The following NF1 variants were observed in gnomAD, a reference collection of about 807,000 sequenced individuals.
The protein encoded by NF1 is neurofibromin 1.
Under a neutral mutation model 325.7 loss-of-function variants are expected in NF1, and 122 were observed. That is an observed-to-expected ratio of 0.37 (90% CI 0.32 to 0.44). NF1 has a LOEUF of 0.44. Among genes scored for constraint, NF1 ranks in the 20% least tolerant of loss-of-function variants. The pLI, the probability that NF1 is intolerant of heterozygous loss-of-function variation, is 1.00. For missense variants in NF1, 2,140 were observed against 3,415.4 expected, an observed-to-expected ratio of 0.63 and a Z score of 9.31; for synonymous variants, 1,091 against 1,186.0, an observed-to-expected ratio of 0.92 and a Z score of 1.65.
In NF1 at chr17:31,095,187, G is replaced by T; in HGVS notation, c.-123G>T. 1.2e-6 allele frequency: 1 copy of T among 832,872 alleles called. No homozygotes were observed. Among genetic ancestry groups the T allele is most frequent in the Non-Finnish European group, 2.0e-6 (1 of 508,070 alleles). 51.6% of individuals were successfully genotyped at this position (832,872 alleles called of 1,614,324 possible). A position where few individuals can be genotyped will look rare whatever the true frequency, so the allele number is the denominator to read the frequency against. On this transcript the variant is annotated 5_prime_UTR_variant, in exon 1 of 58. Coordinates refer to ENST00000358273, the MANE Select transcript of NF1 (RefSeq NM_001042492.3). ...CCCCACCCCCGTGGGAACACTGGGA[G>T]CCTGCACTCCACAGACCCTCTCCTT...
chr17:31,166,768 C>T (rs2065853685), intron 4 of NF1, among the ~76,000 whole-genome samples: 1 of 151,804 alleles, frequency 6.6e-6, no homozygotes, highest in African/African-American at 2.4e-5. Flanking sequence ...AAGTTAGAAT[C>T]CTGAATTATT....
At chr17:31,151,867 T>C (rs1404140011) in intron 1 of NF1, among the ~76,000 whole-genome samples, 1 of 152,200 alleles carries the variant, frequency 6.6e-6, no homozygotes, top group African/African-American at 2.4e-5. Flanking sequence ...AGATATAAAA[T>C]CCTTGGTTTA....
At chr17:31,168,726 A>G (rs2065885138) in intron 4 of NF1, among the ~76,000 whole-genome samples, 1 of 152,100 alleles carries the variant, frequency 6.6e-6, no homozygotes. Context: ...TTGACTTTTA[A>G]TGTTATGATC....
chr17:31,144,580 C>T (rs1341168514), intron 1 of NF1, among the ~76,000 whole-genome samples: 1 of 152,156 alleles, frequency 6.6e-6, no homozygotes, highest in Non-Finnish European at 1.5e-5. Context: ...ATGGCTTCTT[C>T]AGTCACATGT....
chr17:31,291,175 T>G lies in NF1; in HGVS notation c.4835+25836T>G, dbSNP rs76009776. Among the ~76,000 whole-genome samples the G allele has an allele frequency of 9.1e-3, 1,386 of 152,304 alleles. 22 individuals carry two copies. The highest frequency in any genetic ancestry group is 0.031 in the African/African-American group (1,268 of 41,564). ...ATCTGTAAACTATACTGGAAATAAT[T>G]GCAACGTAATAGTATCCCACCAAAG... On this transcript the variant is annotated intron_variant, in intron 36 of 57. Coordinates refer to ENST00000358273, the MANE Select transcript of NF1 (RefSeq NM_001042492.3).
intron 16 of NF1, 71 bp from the exon 17 acceptor site, chr17:31,225,024 A>C: frequency 6.4e-7 from 1 of 1,553,046 alleles, no homozygotes; most frequent in Non-Finnish European, 8.8e-7. Context: ...ACAGGAAGAC[A>C]ACTCAAATAA....
chr17:31,143,078 CT>C (rs891942018), intron 1 of NF1, among the ~76,000 whole-genome samples: 4 of 151,888 alleles, frequency 2.6e-5, no homozygotes, highest in African/African-American at 9.7e-5. Context: ...TTAGCAGTGT[CT>C]TTTTGTTATA....
At chr17:31,271,325 G>C (rs2067890413) in intron 36 of NF1, among the ~76,000 whole-genome samples, 1 of 152,040 alleles carries the variant, frequency 6.6e-6, no homozygotes, top group Non-Finnish European at 1.5e-5. Flanking sequence ...AAGGTTAGCA[G>C]AATTGGCACC....
At chr17:31,155,877 T>G in intron 1 of NF1, 106 bp from the exon 2 acceptor site, 1 of 1,287,128 alleles carries the variant, frequency 7.8e-7, no homozygotes. Flanking sequence ...TATCTGTGGT[T>G]GATGCAGTTT....
chr17:31,330,579 A>C, intron 39 of NF1, 81 bp downstream of exon 39: 1 of 1,093,972 alleles, frequency 9.1e-7, no homozygotes, highest in South Asian at 1.4e-5. Flanking sequence ...AGAATTTTCC[A>C]GTGAAGACTT....
At position 31,335,272 on chromosome 17, in the gene NF1, A is replaced by AT. The variant is rs1229342249; in HGVS notation, c.6006+241_6006+242insT. 5.7e-4 allele frequency among the ~76,000 whole-genome samples: 25 copies of AT among 43,978 alleles called. 1 individual carries two copies. Among genetic ancestry groups the AT allele is most frequent in the African/African-American group, 9.9e-4 (24 of 24,204 alleles). 28.9% of individuals were successfully genotyped at this position (43,978 alleles called of 152,430 possible). ...ATTTGCACAGTCTCCTTCAAGGCAT[A>AT]ATTATATATATATATATATATATAA... On this transcript the variant is annotated intron_variant, in intron 40 of 57. Coordinates refer to ENST00000358273, the MANE Select transcript of NF1 (RefSeq NM_001042492.3).
At chr17:31,219,496 T>C (rs2066885041) in intron 14 of NF1, 1 of 153,760 alleles carries the variant, frequency 6.5e-6, no homozygotes, top group Non-Finnish European at 1.4e-5. Context: ...TTTATTATTA[T>C]TGTACTTTTA....
chr17:31,296,248 G>T (rs1429868370), intron 36 of NF1: 1 of 1,613,992 alleles, frequency 6.2e-7, no homozygotes, highest in Non-Finnish European at 8.5e-7. Flanking sequence ...ATATACATTG[G>T]AGAGGACAAA....
rs1555594457 is a variant in NF1 at position 31,095,288 on chromosome 17, G to GC, written c.-16dup. ...GCGCCGGCCCACCCTTCCCTCCGCC[G>GC]CCCCCCGGCCGCGGGGAGGACATGG... On this transcript the variant is annotated 5_prime_UTR_variant, in exon 1 of 58. Transcript: ENST00000358273. 6 of 1,534,956 alleles carry GC rather than the reference G, an allele frequency of 3.9e-6. No individual in the cohort carries two copies. Among genetic ancestry groups the GC allele is most frequent in the Non-Finnish European group, 2.6e-6 (3 of 1,145,764 alleles).
intron 29 of NF1, among the ~76,000 whole-genome samples, chr17:31,245,942 G>A (rs2067382623): frequency 6.6e-6 from 1 of 152,048 alleles, no homozygotes; most frequent in Admixed American, 6.6e-5. Flanking sequence ...GCCCCGTCTT[G>A]AAGCTCCCTA....
At position 31,308,635 on chromosome 17, in the gene NF1, C is replaced by CT. The variant is rs67526348; in HGVS notation, c.4836-17175dup. ...GTTTTTTACCCTTCTCAAGGGTGTTCTTTTTTTTTTATTTTTCTTCCAGAC... is the reference window on the plus strand; with the variant it reads ...GTTTTTTACCCTTCTCAAGGGTGTTCTTTTTTTTTTTATTTTTCTTCCAGAC... On this transcript the variant is annotated intron_variant, in intron 36 of 57. Transcript: ENST00000358273. Among the ~76,000 whole-genome samples the CT allele has an allele frequency of 1.5e-4, 22 of 150,562 alleles. 1 individual carries two copies. The highest frequency in any genetic ancestry group is 4.2e-4 in the South Asian group (2 of 4,784).
rs752621693 is a variant in NF1 at position 31,249,056 on chromosome 17, C to T, written c.4047C>T (p.Ala1349=). Residue 1349 remains alanine, a synonymous_variant, in exon 30 of 58, where the codon GCC becomes GCT. Coordinates refer to ENST00000358273, the MANE Select transcript of NF1 (RefSeq NM_001042492.3). Reference sequence around the variant, plus strand: ...AGATGACTGAAAAGTTCTTCCATGCCATCATCAGTTCCTCCTCAGAATTCC... The same window carrying T: ...AGATGACTGAAAAGTTCTTCCATGCTATCATCAGTTCCTCCTCAGAATTCC... The part of the protein sequence containing the change: ...LLQMTEKFFH[A]IISSSSEFPP... 2.8e-5 allele frequency: 45 copies of T among 1,613,952 alleles called. 2 individuals are homozygous for T. The South Asian group carries it at 4.7e-4, about 17-fold the overall frequency.
In NF1 at chr17:31,340,855, A is replaced by AAC. The variant is rs1052811136; in HGVS notation, c.7062+211_7062+212insCA. 8.6e-5 allele frequency among the ~76,000 whole-genome samples: 13 copies of AAC among 151,422 alleles called. 1 individual carries two copies. Among genetic ancestry groups the AAC allele is most frequent in the African/African-American group, 2.7e-4 (11 of 41,290 alleles). On this transcript the variant is annotated intron_variant, in intron 47 of 57. Coordinates refer to ENST00000358273, the MANE Select transcript of NF1 (RefSeq NM_001042492.3). ...TTTTTACATAAAAATAGCAAAAAAA[A>AAC]AAAAACAAAAAAAAAACAGTACTGG...
intron 1 of NF1, among the ~76,000 whole-genome samples, chr17:31,145,582 C>G (rs544769120): frequency 5.3e-5 from 8 of 152,194 alleles, no homozygotes; most frequent in Non-Finnish European, 1.0e-4. Flanking sequence ...CTGATAAATT[C>G]TTGGTTACTT....
Sources: gnomAD v4.1 joint callset for allele counts (sites outside exome capture counted in the v4.1 genomes callset) on GRCh38, gnomAD v4.1.1 for gene constraint, MANE v1.5 for transcripts, NCBI Gene and HGNC (gene_info 2026-07-23, HGNC 2026-07-21) for gene names.